MTF2: variants seen among roughly 807,000 people sequenced by gnomAD.
The protein encoded by MTF2 is metal response element binding transcription factor 2.
A neutral mutation model predicts 79.5 loss-of-function variants in MTF2; 11 were observed. The ratio of observed to expected loss-of-function variants is 0.14; its 90% confidence interval spans 0.09 to 0.23. The LOEUF is 0.23. Ranked by LOEUF, MTF2 falls within the 10% of genes least tolerant of loss-of-function variation. MTF2 has a pLI of 1.00. For synonymous variants in MTF2, 208 were observed against 232.8 expected (o/e 0.89, Z 0.97); for missense variants, 486 against 711.2 (o/e 0.68, Z 3.60).
In MTF2 at chr1:93,134,142, G is replaced by C; in HGVS notation, c.1371G>C (p.Thr457=). Residue 457 remains threonine (T), a synonymous_variant, in exon 14 of 15, where the codon ACG becomes ACC. Coordinates refer to ENST00000370298, the MANE Select transcript of MTF2 (RefSeq NM_007358.4). ...CCAATACCTCAGATGTGGATTTCACGGGTGCTTCCAGTGCAAAAGAAACTA... is the reference window on the plus strand; with the variant it reads ...CCAATACCTCAGATGTGGATTTCACCGGTGCTTCCAGTGCAAAAGAAACTA... ...HSSNTSDVDF[T]GASSAKETTS... 6.2e-7 allele frequency: 1 copy of C among 1,613,668 alleles called. No homozygotes were observed. The highest frequency in any genetic ancestry group is 8.5e-7 in the Non-Finnish European group (1 of 1,179,752).
At position 93,120,609 on chromosome 1, in the gene MTF2, T is replaced by C. The variant is rs905926215; in HGVS notation, c.858T>C (p.Phe286=). 6.2e-7 allele frequency: 1 copy of C among 1,609,592 alleles called. No homozygotes were observed. Among genetic ancestry groups the C allele is most frequent in the East Asian group, 2.2e-5 (1 of 44,502 alleles). The change falls in exon 9 of 15, where the codon TTT becomes TTC. Residue 286 remains phenylalanine (F), a synonymous_variant. Transcript: ENST00000370298. ...NLSVIHKKKY[F]DSELELMTYI... ...GTGTTATTCATAAGAAGAAATACTT[T>C]GATTCTGAACTTGAGCTTATGACAT...
intron 10 of MTF2, 180 bp from the exon 11 acceptor site, chr1:93,129,098 T>TA (rs1355407199): frequency 1.2e-5 from 5 of 407,858 alleles, no homozygotes; most frequent in African/African-American, 6.2e-5. Flanking sequence ...CTCCCCATCA[T>TA]ATCCTACTGT....
chr1:93,104,591 A>G (rs935193961), intron 1 of MTF2, among the ~76,000 whole-genome samples: 1 of 150,914 alleles, frequency 6.6e-6, no homozygotes, highest in African/African-American at 2.4e-5. Flanking sequence ...AGGCACAAGA[A>G]TTGCTTGAAC....
chr1:93,128,168 G>T (rs1192606292), intron 10 of MTF2, among the ~76,000 whole-genome samples: 1 of 152,168 alleles, frequency 6.6e-6, no homozygotes, highest in Non-Finnish European at 1.5e-5. Context: ...TGTTTCATGG[G>T]ACAGTGAATT....
At chr1:93,086,427 A>G (rs1414749797) in intron 1 of MTF2, among the ~76,000 whole-genome samples, 1 of 138,404 alleles carries the variant, frequency 7.2e-6, no homozygotes, top group African/African-American at 2.6e-5. Context: ...TGAACCCAGG[A>G]GGCGGGGGCT....
chr1:93,121,044 A>T (rs557993388), intron 9 of MTF2: 1 of 1,022,516 alleles, frequency 9.8e-7, no homozygotes, highest in Non-Finnish European at 1.2e-6. Context: ...TATAACCAAC[A>T]TTCTTCCTTC....
intron 1 of MTF2, 45 bp downstream of exon 1, chr1:93,079,576 G>T (rs1452804283): frequency 3.7e-6 from 6 of 1,611,452 alleles, no homozygotes; most frequent in Admixed American, 1.7e-5. Context: ...GAGGAGATGG[G>T]GGTTGGGGGA....
chr1:93,095,655 C>CTT (rs111973268), intron 1 of MTF2, among the ~76,000 whole-genome samples: 39 of 118,730 alleles, frequency 3.3e-4, no homozygotes, highest in African/African-American at 8.7e-4. Flanking sequence ...TTTCTCTGTT[C>CTT]TTTTTTTTTT....
intron 1 of MTF2, among the ~76,000 whole-genome samples, chr1:93,085,106 C>T (rs934186689): frequency 6.6e-6 from 1 of 151,912 alleles, no homozygotes; most frequent in Non-Finnish European, 1.5e-5. Flanking sequence ...TTATCTAGTA[C>T]TAAAAATACT....
At chr1:93,089,511 GT>G (rs1654983943) in intron 1 of MTF2, among the ~76,000 whole-genome samples, 1 of 152,078 alleles carries the variant, frequency 6.6e-6, no homozygotes, top group South Asian at 2.1e-4. Flanking sequence ...TTTACATGGA[GT>G]TATTAGATTG....
intron 11 of MTF2, among the ~76,000 whole-genome samples, chr1:93,132,658 A>G (rs1656966153): frequency 6.6e-6 from 1 of 152,050 alleles, no homozygotes; most frequent in Non-Finnish European, 1.5e-5. Flanking sequence ...TAGTTCCCCT[A>G]CTTTCTCCTT....
Position 93,110,210 on chromosome 1 carries a change from G to T in MTF2, c.6-20G>T, listed in dbSNP as rs1655972253. The T allele has an allele frequency of 2.5e-6, 4 of 1,604,928 alleles. No individual in the cohort carries two copies. Among genetic ancestry groups the T allele is most frequent in the African/African-American group, 2.7e-5 (2 of 74,570 alleles). Reference sequence around the variant, plus strand: ...GCTCTACAAGTAAGTCTTATGTATGGTCTTTTATTCTCTAAACAGAGACTC... The same window carrying T: ...GCTCTACAAGTAAGTCTTATGTATGTTCTTTTATTCTCTAAACAGAGACTC... On this transcript the variant is annotated intron_variant, in intron 1 of 14. Transcript: ENST00000370298.
chr1:93,121,207 G>C, intron 9 of MTF2: 2 of 974,832 alleles, frequency 2.1e-6, no homozygotes, highest in Non-Finnish European at 2.4e-6. Flanking sequence ...CATTTTTGAA[G>C]TGTAACTACC....
At chr1:93,096,626 C>G in intron 1 of MTF2, among the ~76,000 whole-genome samples, 1 of 150,546 alleles carries the variant, frequency 6.6e-6, no homozygotes, top group East Asian at 1.9e-4. Flanking sequence ...AATTCATTAA[C>G]TTTTTTTTTC....
chr1:93,105,681 G>GTT (rs778549208), intron 1 of MTF2, among the ~76,000 whole-genome samples: 169 of 148,142 alleles, frequency 1.1e-3, no homozygotes, highest in African/African-American at 4.0e-3. Context: ...GTGTGTGTGT[G>GTT]TTTTTTTTTT....
chr1:93,091,070 A>T (rs1327606636), intron 1 of MTF2, among the ~76,000 whole-genome samples: 1 of 152,204 alleles, frequency 6.6e-6, no homozygotes, highest in East Asian at 1.9e-4. Flanking sequence ...TTGAGGAGCT[A>T]AACTTTTAGA....
At chr1:93,101,157 T>G (rs1321459635) in intron 1 of MTF2, among the ~76,000 whole-genome samples, 1 of 152,160 alleles carries the variant, frequency 6.6e-6, no homozygotes, top group Non-Finnish European at 1.5e-5. Context: ...TTCAACTTCT[T>G]GAATCAGGGT....
intron 1 of MTF2, among the ~76,000 whole-genome samples, chr1:93,094,056 C>T (rs374619805): frequency 8.5e-5 from 13 of 152,070 alleles, no homozygotes; most frequent in Admixed American, 7.9e-4. Flanking sequence ...TCTTTGTAAA[C>T]GTAGTATCTT....
intron 11 of MTF2, among the ~76,000 whole-genome samples, chr1:93,130,684 G>A (rs1404241368): frequency 1.3e-5 from 2 of 152,218 alleles, no homozygotes; most frequent in South Asian, 4.1e-4. Context: ...AGAGATAGAT[G>A]ATATGAGGGC....
Sources: gnomAD v4.1 joint callset for allele counts (sites outside exome capture counted in the v4.1 genomes callset) on GRCh38, gnomAD v4.1.1 for gene constraint, MANE v1.5 for transcripts, NCBI Gene and HGNC (gene_info 2026-07-23, HGNC 2026-07-21) for gene names.